Variants in CYB5A observed in about 807,000 individuals in gnomAD.
The protein encoded by CYB5A is cytochrome b5.
A neutral mutation model predicts 16.2 loss-of-function variants in CYB5A; 10 were observed. The observed-to-expected ratio is 0.62, with a 90% CI of 0.38 to 1.04. The LOEUF (loss-of-function observed/expected upper bound fraction) is 1.04, where lower values mean the gene tolerates loss of function less well. Ranked by LOEUF, CYB5A falls within the 50% of genes least tolerant of loss-of-function variation. The probability of loss-of-function intolerance (pLI) is 0.01; values close to 1 mark genes in which losing one functional copy is unlikely to be tolerated. For synonymous variants in CYB5A, 62 were observed against 57.0 expected (o/e 1.09, Z -0.40); for missense variants, 161 against 165.9 (o/e 0.97, Z 0.16).
At chr18:74,285,976 T>C (rs1983305326) in intron 1 of CYB5A, among the ~76,000 whole-genome samples, 1 of 152,172 alleles carries the variant, frequency 6.6e-6, no homozygotes. Context: ...TTCCGTATAT[T>C]AGGATCCCTC....
intron 1 of CYB5A, among the ~76,000 whole-genome samples, chr18:74,266,849 AAAC>A (rs201415660): frequency 0.014 from 1,133 of 82,988 alleles, 12 homozygotes; most frequent in South Asian, 0.042. Flanking sequence ...AAAAAAAAAA[AAAC>A]ATAGCTTAGA....
At chr18:74,271,864 A>G (rs1452857737) in intron 1 of CYB5A, among the ~76,000 whole-genome samples, 1 of 152,202 alleles carries the variant, frequency 6.6e-6, no homozygotes, top group Non-Finnish European at 1.5e-5. Flanking sequence ...TAAAAGCTGA[A>G]GATGGCCAAG....
intron 1 of CYB5A, among the ~76,000 whole-genome samples, chr18:74,268,016 T>C (rs1249486916): frequency 6.6e-6 from 1 of 152,210 alleles, no homozygotes; most frequent in Non-Finnish European, 1.5e-5. Context: ...CTTCCGTCTT[T>C]CCAGAGGAAG....
rs577733857 is a variant in CYB5A at position 74,257,144 on chromosome 18, G to A, written c.289-1369C>T. The A allele has an allele frequency of 1.4e-4, 58 of 424,842 alleles. No homozygotes were observed. The South Asian group carries it at 1.5e-3, about 11-fold the overall frequency. The allele number at this position is 424,842 out of a possible 1,614,324, so 26.3% of individuals were successfully genotyped here. Reference sequence around the variant, plus strand: ...GAAAGTTAAGTTTGAAACAGCCAACGGAAGGCAAACACAAACATCCACGGC... The same window carrying A: ...GAAAGTTAAGTTTGAAACAGCCAACAGAAGGCAAACACAAACATCCACGGC... On this transcript the variant is annotated intron_variant, in intron 3 of 4. Transcript: ENST00000340533.
chr18:74,281,002 G>A (rs1259910391), intron 1 of CYB5A, among the ~76,000 whole-genome samples: 2 of 152,096 alleles, frequency 1.3e-5, no homozygotes, highest in Non-Finnish European at 2.9e-5. Context: ...GGGCAGGAGG[G>A]GACCACGCGA....
rs113442020 is a variant in CYB5A, at chr18:74,264,101, T to C, written c.130-624A>G. On this transcript the variant is annotated intron_variant, in intron 1 of 4. Coordinates refer to ENST00000340533, the MANE Select transcript of CYB5A (RefSeq NM_148923.4). ...TGGCGGGCACCTGTAGTCCCAGCTA[T>C]TCAGGAGGCTGAGTCTTGAGAATCG... 5.9e-3 allele frequency among the ~76,000 whole-genome samples: 899 copies of C among 151,764 alleles called. 8 individuals carry two copies. Among genetic ancestry groups the C allele is most frequent in the African/African-American group, 0.02 (806 of 41,330 alleles).
chr18:74,252,193 C>T lies in CYB5A; in HGVS notation c.*1391G>A, dbSNP rs985727580. ...AACAACACAATTCCTTTCCACTGCACGCGGTCACTTCTGAAGAACCTCGTG... is the reference window on the plus strand; with the variant it reads ...AACAACACAATTCCTTTCCACTGCATGCGGTCACTTCTGAAGAACCTCGTG... On this transcript the variant is annotated 3_prime_UTR_variant, in exon 5 of 5. Transcript: ENST00000340533. 13 of 152,338 alleles carry T rather than the reference C, an allele frequency of 8.5e-5. No individual in the cohort carries two copies. The East Asian group carries it at 1.5e-3, about 18-fold the overall frequency. 9.4% of individuals were successfully genotyped at this position (152,338 alleles called of 1,614,324 possible). A position where few individuals can be genotyped will look rare whatever the true frequency, so the allele number is the denominator to read the frequency against.
intron 2 of CYB5A, 73 bp from the exon 3 acceptor site, chr18:74,261,017 T>G (rs932641247): frequency 2.6e-6 from 3 of 1,146,452 alleles, no homozygotes; most frequent in South Asian, 2.5e-5. Context: ...ATGCTGACTT[T>G]GAGACTTTTT....
At chr18:74,264,708 G>T (rs1982365311) in intron 1 of CYB5A, among the ~76,000 whole-genome samples, 1 of 152,234 alleles carries the variant, frequency 6.6e-6, no homozygotes, top group Admixed American at 6.5e-5. Context: ...ACACTGGGGA[G>T]AGGCGGGAAG....
intron 1 of CYB5A, among the ~76,000 whole-genome samples, chr18:74,276,351 A>C (rs1982875881): frequency 6.6e-6 from 1 of 152,188 alleles, no homozygotes; most frequent in Non-Finnish European, 1.5e-5. Context: ...AAATAAAGTG[A>C]CCATTTTTAC....
intron 1 of CYB5A, among the ~76,000 whole-genome samples, chr18:74,272,418 C>T (rs1438546346): frequency 6.6e-6 from 1 of 152,188 alleles, no homozygotes; most frequent in East Asian, 1.9e-4. Flanking sequence ...CCATTGAGCA[C>T]CCTTTCTGCA....
intron 1 of CYB5A, among the ~76,000 whole-genome samples, chr18:74,271,288 C>T (rs1196051785): frequency 2.0e-5 from 3 of 152,208 alleles, no homozygotes; most frequent in African/African-American, 7.2e-5. Context: ...CTGGCCTTCC[C>T]TGAGACAGCC....
chr18:74,260,739 A>T, intron 3 of CYB5A, 176 bp downstream of exon 3: 1 of 681,984 alleles, frequency 1.5e-6, no homozygotes, highest in African/African-American at 1.8e-5. Context: ...CTAACAAATC[A>T]TACTGACAGG....
chr18:74,282,515 G>C (rs902332734), intron 1 of CYB5A, among the ~76,000 whole-genome samples: 1 of 152,178 alleles, frequency 6.6e-6, no homozygotes, highest in East Asian at 1.9e-4. Context: ...CCGGACATGG[G>C]CCAGGTGCAC....
chr18:74,261,140 T>C (rs1982183067), intron 2 of CYB5A, 196 bp from the exon 3 acceptor site: 2 of 555,858 alleles, frequency 3.6e-6, no homozygotes, highest in African/African-American at 1.9e-5. Flanking sequence ...TGCCAAGAGA[T>C]ATTTTCTATC....
chr18:74,277,154 A>T (rs1403496468), intron 1 of CYB5A, among the ~76,000 whole-genome samples: 1 of 152,250 alleles, frequency 6.6e-6, no homozygotes, highest in Non-Finnish European at 1.5e-5. Context: ...GAGAATGAAC[A>T]ATTGATGCAA....
chr18:74,285,969 C>T (rs1318971918), intron 1 of CYB5A, among the ~76,000 whole-genome samples: 1 of 152,062 alleles, frequency 6.6e-6, no homozygotes. Context: ...AAGAGGATTC[C>T]GTATATTAGG....
chr18:74,267,043 G>GGAGA (rs149309645), intron 1 of CYB5A, among the ~76,000 whole-genome samples: 2 of 151,072 alleles, frequency 1.3e-5, no homozygotes, highest in Non-Finnish European at 3.0e-5. Context: ...TATGTATTAC[G>GGAGA]GAGAGAGAGA....
chr18:74,260,535 A>G, intron 3 of CYB5A: 1 of 341,100 alleles, frequency 2.9e-6, no homozygotes, highest in South Asian at 2.4e-5. Flanking sequence ...CATGAGACAC[A>G]CCCTTAAAGA....
Sources: gnomAD v4.1 joint callset for allele counts (sites outside exome capture counted in the v4.1 genomes callset) on GRCh38, gnomAD v4.1.1 for gene constraint, MANE v1.5 for transcripts, NCBI Gene and HGNC (gene_info 2026-07-23, HGNC 2026-07-21) for gene names.